The following UHRF2 variants were observed in gnomAD, a reference collection of about 807,000 sequenced individuals.
UHRF2 encodes ubiquitin like with PHD and ring finger domains 2.
In UHRF2, 23 loss-of-function variants were observed where a neutral mutation model predicts 96.8. The observed-to-expected ratio is 0.24, with a 90% CI of 0.17 to 0.34. The LOEUF (loss-of-function observed/expected upper bound fraction) is 0.34, where lower values mean the gene tolerates loss of function less well. Among genes scored for constraint, UHRF2 ranks in the 10% least tolerant of loss-of-function variants. UHRF2 has a pLI of 1.00. For missense variants in UHRF2, 685 were observed against 981.5 expected, an observed-to-expected ratio of 0.70 and a Z score of 4.04; for synonymous variants, 385 against 332.6, an observed-to-expected ratio of 1.16 and a Z score of -1.72.
intron 9 of UHRF2, among the ~76,000 whole-genome samples, chr9:6,491,422 T>G (rs961430366): frequency 2.0e-5 from 3 of 152,254 alleles, no homozygotes; most frequent in African/African-American, 7.2e-5. Context: ...AGATGTGTGT[T>G]ACACTAGCAG....
rs1246481684 is a variant in UHRF2 at position 6,460,634 on chromosome 9, A to G, written c.706A>G (p.Ile236Val). 5.0e-6 allele frequency: 8 copies of G among 1,613,230 alleles called. No individual in the cohort carries two copies. Among genetic ancestry groups the G allele is most frequent in the Non-Finnish European group, 5.9e-6 (7 of 1,179,802 alleles). Reference protein sequence around the residue: ...VKDLRPRARTILKWNELNVGD... With the variant: ...VKDLRPRARTVLKWNELNVGD... Reference sequence around the variant, plus strand: ...GGATCTTAGACCACGAGCTAGAACCATTTTGAAATGGAATGAACTAAATGT... The same window carrying G: ...GGATCTTAGACCACGAGCTAGAACCGTTTTGAAATGGAATGAACTAAATGT... The change falls in exon 4 of 16, where the codon ATT becomes GTT. Residue 236 changes from isoleucine to valine, a missense_variant. Ile to Val is a conservative substitution (Grantham distance 29, BLOSUM62 3). Coordinates refer to ENST00000276893, the MANE Select transcript of UHRF2 (RefSeq NM_152896.3).
intron 5 of UHRF2, among the ~76,000 whole-genome samples, chr9:6,476,853 A>G (rs1029152715): frequency 6.6e-6 from 1 of 152,090 alleles, no homozygotes; most frequent in African/African-American, 2.4e-5. Flanking sequence ...CCAGCCTCCT[A>G]AAGTGCTGGT....
chr9:6,464,129 A>G (rs1822722358), intron 4 of UHRF2, among the ~76,000 whole-genome samples: 1 of 152,190 alleles, frequency 6.6e-6, no homozygotes, highest in African/African-American at 2.4e-5. Flanking sequence ...AGTTTCCACT[A>G]ATCAGGTGGG....
At chr9:6,466,590 G>A (rs1426944004) in intron 4 of UHRF2, among the ~76,000 whole-genome samples, 1 of 146,100 alleles carries the variant, frequency 6.8e-6, no homozygotes, top group Non-Finnish European at 1.5e-5. Flanking sequence ...ATGCATTTTA[G>A]GTTCAGTGTC....
At chr9:6,464,304 AT>A (rs951361167) in intron 4 of UHRF2, among the ~76,000 whole-genome samples, 2 of 152,120 alleles carry the variant, frequency 1.3e-5, no homozygotes, top group African/African-American at 4.8e-5. Flanking sequence ...TGTCTGATTC[AT>A]TTTTAGGAGT....
chr9:6,415,219 A>G (rs1464892569), intron 1 of UHRF2: 1 of 152,260 alleles, frequency 6.6e-6, no homozygotes, highest in African/African-American at 2.4e-5. Context: ...ATTCAAGGCA[A>G]CAAAGTAGAC....
intron 9 of UHRF2, chr9:6,492,477 A>T (rs1824718108): frequency 1.9e-6 from 1 of 529,708 alleles, no homozygotes; most frequent in Admixed American, 6.1e-5. Flanking sequence ...TTTAAAAAAT[A>T]TGTAGACCTT....
At chr9:6,472,503 G>A (rs12347573) in intron 4 of UHRF2, among the ~76,000 whole-genome samples, 46,140 of 152,046 alleles carry the variant, frequency 0.3, 9,070 homozygotes, top group African/African-American at 0.56. Context: ...CAAAACTGGG[G>A]GAATATTGTT....
At chr9:6,433,789 C>G in intron 2 of UHRF2, 125 bp from the exon 3 acceptor site, 1 of 964,846 alleles carries the variant, frequency 1.0e-6, no homozygotes, top group Non-Finnish European at 1.5e-6. Flanking sequence ...TTATTAACCA[C>G]TTTAAACATG....
At chr9:6,447,510 A>C (rs1030118513) in intron 3 of UHRF2, among the ~76,000 whole-genome samples, 2 of 152,234 alleles carry the variant, frequency 1.3e-5, no homozygotes, top group African/African-American at 4.8e-5. Flanking sequence ...AGGATAAAGA[A>C]GCAGAAAATA....
intron 9 of UHRF2, among the ~76,000 whole-genome samples, chr9:6,493,290 T>A (rs944543175): frequency 6.6e-6 from 1 of 150,930 alleles, no homozygotes; most frequent in Admixed American, 6.6e-5. Flanking sequence ...AGAGCAAGAC[T>A]CTGTTTAAAA....
intron 9 of UHRF2, among the ~76,000 whole-genome samples, chr9:6,489,350 T>C (rs1226395565): frequency 6.6e-6 from 1 of 152,234 alleles, no homozygotes; most frequent in Non-Finnish European, 1.5e-5. Flanking sequence ...TTTTTAGCTA[T>C]TACAGATAAA....
intron 3 of UHRF2, among the ~76,000 whole-genome samples, chr9:6,447,910 G>A (rs1278568144): frequency 1.3e-5 from 2 of 152,150 alleles, no homozygotes; most frequent in African/African-American, 2.4e-5. Flanking sequence ...TTTGGAGGAA[G>A]GCATGTGGAA....
intron 10 of UHRF2, chr9:6,494,658 T>C (rs200391411): frequency 7.2e-5 from 11 of 152,196 alleles, no homozygotes; most frequent in Non-Finnish European, 1.5e-4. Flanking sequence ...TTATAGTTTG[T>C]CCTGCTGAAA....
chr9:6,477,883 A>G, intron 6 of UHRF2, 75 bp downstream of exon 6: 1 of 1,278,058 alleles, frequency 7.8e-7, no homozygotes, highest in African/African-American at 1.5e-5. Flanking sequence ...CACCAAAAGT[A>G]GATTTCTAAA....
chr9:6,491,077 C>A (rs999890771), intron 9 of UHRF2, among the ~76,000 whole-genome samples: 1 of 152,130 alleles, frequency 6.6e-6, no homozygotes, highest in South Asian at 2.1e-4. Context: ...ATATTTTAGC[C>A]TAGTAACTTA....
At chr9:6,478,034 T>A (rs961343691) in intron 6 of UHRF2, among the ~76,000 whole-genome samples, 13 of 152,164 alleles carry the variant, frequency 8.5e-5, no homozygotes, top group African/African-American at 2.9e-4. Flanking sequence ...GATAATAGAC[T>A]CTGTGTTCAT....
At position 6,493,818 on chromosome 9, in the gene UHRF2, T is replaced by C; in HGVS notation, c.1498-8T>C. The C allele has an allele frequency of 6.2e-7, 1 of 1,605,388 alleles. No homozygotes were observed. Among genetic ancestry groups the C allele is most frequent in the Non-Finnish European group, 8.5e-7 (1 of 1,177,146 alleles). ...AGCTTTCTTAATAAAGAAAATCTTCTCTGACAGGACCGAGGTGATGAGTTC... is the reference window on the plus strand; with the variant it reads ...AGCTTTCTTAATAAAGAAAATCTTCCCTGACAGGACCGAGGTGATGAGTTC... On this transcript the variant is annotated splice_polypyrimidine_tract_variant and splice_region_variant and intron_variant, in intron 9 of 15. Coordinates refer to ENST00000276893, the MANE Select transcript of UHRF2 (RefSeq NM_152896.3).
intron 4 of UHRF2, among the ~76,000 whole-genome samples, chr9:6,471,190 C>T (rs1823220060): frequency 1.3e-5 from 2 of 152,164 alleles, no homozygotes; most frequent in South Asian, 4.1e-4. Flanking sequence ...TACAATGAAA[C>T]AGGGTGGTAT....
Sources: allele counts gnomAD v4.1 joint callset (sites outside exome capture counted in the v4.1 genomes callset), GRCh38; gene constraint gnomAD v4.1.1; transcripts MANE v1.5; gene names NCBI Gene and HGNC (gene_info 2026-07-23, HGNC 2026-07-21).